The following MAST4 variants were observed in gnomAD, a reference collection of about 807,000 sequenced individuals.
The protein encoded by MAST4 is microtubule-associated serine/threonine-protein kinase 4.
In MAST4, 89 loss-of-function variants were observed where a neutral mutation model predicts 162.7. That is an observed-to-expected ratio of 0.55 (90% CI 0.46 to 0.65). The LOEUF is 0.65. Among genes scored for constraint, MAST4 ranks in the 30% least tolerant of loss-of-function variants. MAST4 has a pLI of 0.00. For synonymous variants in MAST4, 1,479 were observed against 1,361.1 expected (o/e 1.09, Z -1.91); for missense variants, 3,153 against 3,374.0 (o/e 0.93, Z 1.62).
At chr5:67,051,289 G>A (rs1475405988) in intron 4 of MAST4, among the ~76,000 whole-genome samples, 3 of 152,022 alleles carry the variant, frequency 2.0e-5, no homozygotes, top group Non-Finnish European at 4.4e-5. Flanking sequence ...TCATTTAATG[G>A]GTTAAATGAG....
intron 4 of MAST4, among the ~76,000 whole-genome samples, chr5:67,038,041 T>C (rs1756242528): frequency 6.6e-6 from 1 of 152,116 alleles, no homozygotes; most frequent in African/African-American, 2.4e-5. Flanking sequence ...ATCCACCTTT[T>C]TCATATTTCT....
intron 2 of MAST4, among the ~76,000 whole-genome samples, chr5:66,763,863 G>C (rs1753963184): frequency 6.6e-6 from 1 of 152,190 alleles, no homozygotes; most frequent in African/African-American, 2.4e-5. Flanking sequence ...TAACCCCACT[G>C]TAAGATGAGG....
At chr5:67,095,712 CACA>C in intron 7 of MAST4, 37 bp downstream of exon 7, 1 of 1,447,560 alleles carries the variant, frequency 6.9e-7, no homozygotes, top group Non-Finnish European at 9.3e-7. Flanking sequence ...TTCTCTTCCT[CACA>C]ACAACAGAGC....
intron 3 of MAST4, among the ~76,000 whole-genome samples, chr5:66,812,989 A>G (rs888709802): frequency 6.6e-6 from 1 of 152,182 alleles, no homozygotes; most frequent in Non-Finnish European, 1.5e-5. Flanking sequence ...TTTGAAACAC[A>G]TGGTTTCCAG....
chr5:66,762,931 C>T (rs977105187), intron 2 of MAST4, among the ~76,000 whole-genome samples: 5 of 152,164 alleles, frequency 3.3e-5, no homozygotes, highest in African/African-American at 1.2e-4. Context: ...ATATATTTAT[C>T]CCTTATAATG....
chr5:66,728,695 T>A (rs1474000335), intron 1 of MAST4, among the ~76,000 whole-genome samples: 1 of 152,212 alleles, frequency 6.6e-6, no homozygotes, highest in Non-Finnish European at 1.5e-5. Context: ...AAGGACACCT[T>A]CACTGGAGGA....
At chr5:66,630,263 T>C (rs1488588364) in intron 1 of MAST4, among the ~76,000 whole-genome samples, 1 of 152,222 alleles carries the variant, frequency 6.6e-6, no homozygotes, top group Non-Finnish European at 1.5e-5. Context: ...TATCAAACCA[T>C]AACTTCTTGG....
chr5:67,095,488 C>T (rs1158964766), intron 6 of MAST4, 109 bp from the exon 7 acceptor site: 2 of 764,008 alleles, frequency 2.6e-6, no homozygotes, highest in Non-Finnish European at 2.1e-6. Context: ...TCCACATCCT[C>T]ACAGACTATG....
intron 4 of MAST4, among the ~76,000 whole-genome samples, chr5:66,930,517 A>G (rs533041086): frequency 5.9e-5 from 9 of 152,196 alleles, no homozygotes; most frequent in Non-Finnish European, 1.5e-5. Context: ...TGGTGTGTGT[A>G]TATGATTGTG....
chr5:66,912,291 T>C (rs375631293), intron 4 of MAST4, among the ~76,000 whole-genome samples: 20 of 152,346 alleles, frequency 1.3e-4, no homozygotes, highest in African/African-American at 4.6e-4. Flanking sequence ...TCAAGTTTGC[T>C]TTGCATGGGG....
At chr5:67,152,910 C>T in intron 25 of MAST4, 44 bp downstream of exon 25, 1 of 1,511,974 alleles carries the variant, frequency 6.6e-7, no homozygotes, top group Non-Finnish European at 9.1e-7. Context: ...CATTTCCAGC[C>T]AAGCTGGAGA....
chr5:66,797,788 C>T (rs993612338), intron 3 of MAST4, among the ~76,000 whole-genome samples: 4 of 151,978 alleles, frequency 2.6e-5, no homozygotes, highest in African/African-American at 9.7e-5. Context: ...GCTTCAAGGC[C>T]AAGTGGAAAT....
In MAST4 at chr5:67,166,103, A is replaced by T. The variant is rs773803138; in HGVS notation, c.6924A>T (p.Gly2308=). The change falls in exon 29 of 29, where the codon GGA becomes GGT. Residue 2308 remains glycine, a synonymous_variant. Transcript: ENST00000403625. ...LEKPVHLPRP[G]HPGPSEPADQ... is the part of the protein sequence containing the mutation. Reference sequence around the variant, plus strand: ...AGCCTGTGCATTTGCCAAGGCCGGGACACCCAGGGCCTAGTGAGCCAGCGG... The same window carrying T: ...AGCCTGTGCATTTGCCAAGGCCGGGTCACCCAGGGCCTAGTGAGCCAGCGG... 4 of 1,611,504 alleles carry T rather than the reference A, an allele frequency of 2.5e-6. No homozygotes were observed.
At chr5:66,860,634 G>A (rs552890595) in intron 3 of MAST4, among the ~76,000 whole-genome samples, 3 of 147,868 alleles carry the variant, frequency 2.0e-5, no homozygotes, top group South Asian at 4.3e-4. Context: ...AGTATTTTTC[G>A]TCAGCAGCCT....
At chr5:66,832,040 T>A (rs1757636095) in intron 3 of MAST4, among the ~76,000 whole-genome samples, 1 of 152,184 alleles carries the variant, frequency 6.6e-6, no homozygotes, top group African/African-American at 2.4e-5. Context: ...CTATCCCTAA[T>A]GTGATAGATC....
At chr5:67,024,460 GTGGGGTGTGTATATATAGATATATACA>G (rs1356604117) in intron 4 of MAST4, among the ~76,000 whole-genome samples, 7 of 151,304 alleles carry the variant, frequency 4.6e-5, no homozygotes, top group Non-Finnish European at 8.8e-5. Flanking sequence ...TGCTCAAAAT[GTGGGGTGTGTATATATAGATATATACA>G]TATCTATATA....
chr5:66,686,163 G>A (rs1029826756), intron 1 of MAST4, among the ~76,000 whole-genome samples: 1 of 152,064 alleles, frequency 6.6e-6, no homozygotes, highest in Non-Finnish European at 1.5e-5. Flanking sequence ...CAATATCTTT[G>A]TGACATTAGG....
At position 67,165,224 on chromosome 5, in the gene MAST4, C is replaced by G; in HGVS notation, c.6045C>G (p.Leu2015=). The change falls in exon 29 of 29, where the codon CTC becomes CTG. Residue 2015 remains leucine (L), a synonymous_variant. Transcript: ENST00000403625. ...AAACCAGTGACAACTCCAAAAATCT[C>G]CTCTCTGTGGGAAGGACCCACCCAG... The part of the protein sequence containing the change: ...TAKTSDNSKN[L]LSVGRTHPDF... The G allele has an allele frequency of 1.2e-6, 2 of 1,608,206 alleles. No individual in the cohort carries two copies. Among genetic ancestry groups the G allele is most frequent in the East Asian group, 2.2e-5 (1 of 44,832 alleles).
chr5:67,095,343 T>G (rs1183493211), intron 6 of MAST4, among the ~76,000 whole-genome samples: 1 of 152,178 alleles, frequency 6.6e-6, no homozygotes, highest in Non-Finnish European at 1.5e-5. Flanking sequence ...ATTCATTTTG[T>G]CAAAGTATAT....
Sources: allele counts gnomAD v4.1 joint callset (sites outside exome capture counted in the v4.1 genomes callset), GRCh38; gene constraint gnomAD v4.1.1; transcripts MANE v1.5; gene names NCBI Gene and HGNC (gene_info 2026-07-23, HGNC 2026-07-21).